BNC2: variants seen among roughly 807,000 people sequenced by gnomAD.
The protein encoded by BNC2 is zinc finger protein basonuclin-2.
In BNC2, 20 loss-of-function variants were observed where a neutral mutation model predicts 76.3. The observed-to-expected ratio is 0.26, with a 90% CI of 0.18 to 0.38. BNC2 has a LOEUF of 0.38. Ranked by LOEUF, BNC2 falls within the 10% of genes least tolerant of loss-of-function variation. The probability of loss-of-function intolerance (pLI) is 1.00; values close to 1 mark genes in which losing one functional copy is unlikely to be tolerated. For missense variants in BNC2, 1,382 were observed against 1,399.8 expected (o/e 0.99, Z 0.20); for synonymous variants, 582 against 514.8 (o/e 1.13, Z -1.77).
intron 5 of BNC2, among the ~76,000 whole-genome samples, chr9:16,448,689 C>T (rs75405473): frequency 0.075 from 11,403 of 152,188 alleles, 422 homozygotes; most frequent in Middle Eastern, 0.13. Context: ...GAGTGTGTGA[C>T]TGAACAGAAA....
intron 1 of BNC2, among the ~76,000 whole-genome samples, chr9:16,837,610 A>T (rs1343786737): frequency 6.6e-6 from 1 of 152,236 alleles, no homozygotes; most frequent in Non-Finnish European, 1.5e-5. Context: ...GGTGAAGAGG[A>T]GGTTCTCAAA....
chr9:16,630,010 C>T (rs927636988), intron 3 of BNC2, among the ~76,000 whole-genome samples: 3 of 152,184 alleles, frequency 2.0e-5, no homozygotes, highest in Non-Finnish European at 4.4e-5. Flanking sequence ...GTTATCCACA[C>T]TAGGACTTCT....
intron 5 of BNC2, among the ~76,000 whole-genome samples, chr9:16,455,339 G>A (rs993771409): frequency 5.9e-5 from 9 of 152,226 alleles, no homozygotes; most frequent in Non-Finnish European, 8.8e-5. Flanking sequence ...TAAACACATA[G>A]ATACATGAAA....
chr9:16,813,263 A>C (rs548784753), intron 1 of BNC2, among the ~76,000 whole-genome samples: 1 of 148,270 alleles, frequency 6.7e-6, no homozygotes, highest in African/African-American at 2.5e-5. Context: ...AAGCAGAAAA[A>C]CCATTTTTTT....
chr9:16,802,382 G>C (rs1005682134), intron 1 of BNC2, among the ~76,000 whole-genome samples: 1 of 152,138 alleles, frequency 6.6e-6, no homozygotes, highest in African/African-American at 2.4e-5. Context: ...CACTTGCAAT[G>C]CAGCCAGGCT....
At chr9:16,762,393 A>C (rs1210968980) in intron 1 of BNC2, among the ~76,000 whole-genome samples, 2 of 152,198 alleles carry the variant, frequency 1.3e-5, no homozygotes, top group East Asian at 3.9e-4. Flanking sequence ...TCCTAGTAAA[A>C]CAGTATTTCG....
chr9:16,470,248 C>T (rs1182163829), intron 5 of BNC2, among the ~76,000 whole-genome samples: 5 of 152,012 alleles, frequency 3.3e-5, no homozygotes, highest in South Asian at 2.1e-4. Context: ...CCGCCCACCT[C>T]GGCCTCCGAA....
At chr9:16,679,563 ACCCC>A (rs1395415794) in intron 3 of BNC2, among the ~76,000 whole-genome samples, 2 of 152,088 alleles carry the variant, frequency 1.3e-5, no homozygotes, top group Non-Finnish European at 2.9e-5. Flanking sequence ...AATTAATGAC[ACCCC>A]CTCAGCTTCC....
chr9:16,499,534 T>C (rs574128000), intron 5 of BNC2, among the ~76,000 whole-genome samples: 14 of 146,722 alleles, frequency 9.5e-5, no homozygotes, highest in Admixed American at 1.4e-4. Context: ...TTTTTTCTTT[T>C]TTTTTTTTTT....
chr9:16,727,359 T>G, intron 3 of BNC2: 1 of 195,896 alleles, frequency 5.1e-6, no homozygotes, highest in East Asian at 1.4e-4. Flanking sequence ...AGTAGGGCTG[T>G]TCTGAGGGGC....
chr9:16,558,616 G>A (rs1020522313), intron 4 of BNC2, among the ~76,000 whole-genome samples: 1 of 152,054 alleles, frequency 6.6e-6, no homozygotes, highest in Non-Finnish European at 1.5e-5. Flanking sequence ...ACCCTTTGAG[G>A]TACTTTTCTA....
In BNC2 at chr9:16,862,938, A is replaced by G. The variant is rs137991390; in HGVS notation, c.3+7708T>C. Among the ~76,000 whole-genome samples, 1,239 of 150,504 alleles carry G rather than the reference A, an allele frequency of 8.2e-3. 14 individuals are homozygous for G. Among genetic ancestry groups the G allele is most frequent in the African/African-American group, 0.028 (1,144 of 40,906 alleles). On this transcript the variant is annotated intron_variant, in intron 1 of 6. Coordinates refer to ENST00000380672, the MANE Select transcript of BNC2 (RefSeq NM_017637.6). ...AGATTTTTTTTTTTTTTTTTGAGACAAAGTCTTGCTCTGTCGCTCAGGCTA... is the reference window on the plus strand; with the variant it reads ...AGATTTTTTTTTTTTTTTTTGAGACGAAGTCTTGCTCTGTCGCTCAGGCTA...
intron 1 of BNC2, among the ~76,000 whole-genome samples, chr9:16,837,661 C>A (rs548324117): frequency 1.8e-4 from 28 of 152,266 alleles, no homozygotes; most frequent in Non-Finnish European, 2.6e-4. Context: ...TCAGAATTAT[C>A]TGAAGTACTT....
chr9:16,508,828 T>C (rs1464366702), intron 5 of BNC2, among the ~76,000 whole-genome samples: 1 of 151,608 alleles, frequency 6.6e-6, no homozygotes, highest in Non-Finnish European at 1.5e-5. Context: ...CATCTTTTTT[T>C]TTTTTTCTTT....
At chr9:16,696,330 C>T (rs369035629) in intron 3 of BNC2, among the ~76,000 whole-genome samples, 27 of 152,284 alleles carry the variant, frequency 1.8e-4, no homozygotes, top group East Asian at 1.2e-3. Context: ...TTGATAGACA[C>T]TCTAATTAGA....
intron 3 of BNC2, among the ~76,000 whole-genome samples, chr9:16,621,311 A>T (rs1194342967): frequency 6.6e-6 from 1 of 152,164 alleles, no homozygotes; most frequent in African/African-American, 2.4e-5. Context: ...CTCCAAAAGG[A>T]GAAACAGAGG....
Position 16,608,381 on chromosome 9 carries a change from C to A in BNC2, c.331-25296G>T, listed in dbSNP as rs543152418. Among the ~76,000 whole-genome samples, 526 of 152,146 alleles carry A rather than the reference C, an allele frequency of 3.5e-3. 2 individuals are homozygous for A. Among genetic ancestry groups the A allele is most frequent in the African/African-American group, 0.012 (490 of 41,506 alleles). ...CCTCTGTCTCTGTACAGGGGAGCTTCTTTTTTCTTTCTTCCCCCTTCTTTC... is the reference window on the plus strand; with the variant it reads ...CCTCTGTCTCTGTACAGGGGAGCTTATTTTTTCTTTCTTCCCCCTTCTTTC... On this transcript the variant is annotated intron_variant, in intron 3 of 6. Transcript: ENST00000380672.
chr9:16,432,690 T>C (rs1784614848), intron 6 of BNC2, among the ~76,000 whole-genome samples: 2 of 152,152 alleles, frequency 1.3e-5, no homozygotes, highest in Admixed American at 1.3e-4. Context: ...GAAGACATTG[T>C]GGAGTCAAGG....
At chr9:16,527,772 A>G (rs1316993851) in intron 5 of BNC2, among the ~76,000 whole-genome samples, 1 of 152,188 alleles carries the variant, frequency 6.6e-6, no homozygotes, top group African/African-American at 2.4e-5. Flanking sequence ...CAAACTGTAG[A>G]ATTCAAATCC....
Sources: gnomAD v4.1 joint callset for allele counts (sites outside exome capture counted in the v4.1 genomes callset) on GRCh38, gnomAD v4.1.1 for gene constraint, MANE v1.5 for transcripts, NCBI Gene and HGNC (gene_info 2026-07-23, HGNC 2026-07-21) for gene names.